The following ADAM23 variants were observed in gnomAD, a reference collection of about 807,000 sequenced individuals.
The protein encoded by ADAM23 is ADAM metallopeptidase domain 23.
Under a neutral mutation model 120.1 loss-of-function variants are expected in ADAM23, and 33 were observed. That is an observed-to-expected ratio of 0.27 (90% confidence interval 0.21 to 0.37). The LOEUF (loss-of-function observed/expected upper bound fraction) is 0.37. ADAM23 is among the 10% of genes least tolerant of loss of function. The pLI is 1.00. For synonymous variants in ADAM23, 367 were observed against 375.2 expected (o/e 0.98, Z 0.25); for missense variants, 862 against 1,058.2 (o/e 0.81, Z 2.57).
chr2:206,453,029 A>G (rs1389481973), intron 2 of ADAM23, among the ~76,000 whole-genome samples: 1 of 152,226 alleles, frequency 6.6e-6, no homozygotes, highest in African/African-American at 2.4e-5. Context: ...TTCAGCAAGC[A>G]TAATTTCAGC....
At chr2:206,537,836 A>T (rs1158437865) in intron 4 of ADAM23, among the ~76,000 whole-genome samples, 1 of 152,206 alleles carries the variant, frequency 6.6e-6, no homozygotes, top group Non-Finnish European at 1.5e-5. Context: ...ACCACTGCAT[A>T]AATAATAATT....
At chr2:206,452,358 T>C (rs368016706) in intron 2 of ADAM23, among the ~76,000 whole-genome samples, 1 of 152,220 alleles carries the variant, frequency 6.6e-6, no homozygotes, top group African/African-American at 2.4e-5. Flanking sequence ...CTGTTGAAAG[T>C]CTTGCTTCAG....
chr2:206,593,254 T>C (rs1046631137), intron 22 of ADAM23, among the ~76,000 whole-genome samples: 1 of 152,212 alleles, frequency 6.6e-6, no homozygotes, highest in African/African-American at 2.4e-5. Context: ...CATGTAGATA[T>C]GAGGCTTATT....
chr2:206,455,865 C>T (rs573786322), intron 2 of ADAM23, among the ~76,000 whole-genome samples: 1 of 152,300 alleles, frequency 6.6e-6, no homozygotes, highest in Non-Finnish European at 1.5e-5. Context: ...ACTTTGCTGT[C>T]CATATCACTA....
At chr2:206,525,120 G>T (rs1696917133) in intron 3 of ADAM23, among the ~76,000 whole-genome samples, 1 of 152,062 alleles carries the variant, frequency 6.6e-6, no homozygotes, top group Non-Finnish European at 1.5e-5. Flanking sequence ...TTCCACAAAT[G>T]CCCTAGTTTG....
In ADAM23 at chr2:206,462,203, C is replaced by G. The variant is rs373019044; in HGVS notation, c.432+16679C>G. Among the ~76,000 whole-genome samples the G allele has an allele frequency of 2.0e-5, 3 of 152,146 alleles. No homozygotes were observed. The East Asian group carries it at 5.8e-4, about 29-fold the overall frequency. The stretch of plus-strand genomic sequence containing the variant: ...CAATTTGCATACACATGCACACTTA[C>G]ACCTGTAAAGTTAGTATAAATATGT... On this transcript the variant is annotated intron_variant, in intron 2 of 25. Coordinates refer to ENST00000264377, the MANE Select transcript of ADAM23 (RefSeq NM_003812.4).
At chr2:206,451,676 A>G (rs1358897219) in intron 2 of ADAM23, among the ~76,000 whole-genome samples, 1 of 152,236 alleles carries the variant, frequency 6.6e-6, no homozygotes, top group Non-Finnish European at 1.5e-5. Flanking sequence ...AGTAAATGGC[A>G]GAGAGAGCCA....
At position 206,620,933 on chromosome 2, in the gene ADAM23, A is replaced by G. The variant is rs778413537; in HGVS notation, c.*3306A>G. On this transcript the variant is annotated 3_prime_UTR_variant, in exon 26 of 26. Transcript: ENST00000264377. ...ACCCTTTCTTTAAAGTTATCCCATC[A>G]TGTTTTATAGTCATTGTTGCTTCCA... 1.3e-5 allele frequency: 2 copies of G among 152,196 alleles called. No individual in the cohort carries two copies. The highest frequency in any genetic ancestry group is 4.8e-5 in the African/African-American group (2 of 41,436). 9.4% of individuals were successfully genotyped at this position (152,196 alleles called of 1,614,324 possible).
chr2:206,589,372 T>A, intron 20 of ADAM23, 37 bp from the exon 21 acceptor site: 1 of 1,572,928 alleles, frequency 6.4e-7, no homozygotes, highest in Non-Finnish European at 8.7e-7. Flanking sequence ...ACAAAGAAAA[T>A]GAAAATTAAT....
chr2:206,519,203 G>T (rs200675896), intron 3 of ADAM23, among the ~76,000 whole-genome samples: 1 of 152,078 alleles, frequency 6.6e-6, no homozygotes, highest in Non-Finnish European at 1.5e-5. Flanking sequence ...AAAAAGGGCC[G>T]GTTAGCACGC....
chr2:206,520,097 C>T (rs533240441), intron 3 of ADAM23, among the ~76,000 whole-genome samples: 1 of 152,276 alleles, frequency 6.6e-6, no homozygotes, highest in African/African-American at 2.4e-5. Flanking sequence ...CATGATTGCA[C>T]AGAATATTGT....
intron 3 of ADAM23, among the ~76,000 whole-genome samples, chr2:206,512,444 C>T (rs1371231743): frequency 6.6e-6 from 1 of 152,200 alleles, no homozygotes; most frequent in Non-Finnish European, 1.5e-5. Flanking sequence ...ATACTATAAT[C>T]AGCTGAAAAG....
In ADAM23 at chr2:206,508,220, G is replaced by A. The variant is rs932414363; in HGVS notation, c.510-22665G>A. ...AATTTTTTGTATTTTTAGTAGAGAC[G>A]GGGTTTCACCGTGTTAGCCAGGATG... On this transcript the variant is annotated intron_variant, in intron 3 of 25. Coordinates refer to ENST00000264377, the MANE Select transcript of ADAM23 (RefSeq NM_003812.4). Among the ~76,000 whole-genome samples, 31 of 151,984 alleles carry A rather than the reference G, an allele frequency of 2.0e-4. 1 individual carries two copies. Among genetic ancestry groups the A allele is most frequent in the Non-Finnish European group, 7.4e-5 (5 of 67,984 alleles).
chr2:206,477,885 A>ATATAT (rs1312452102), intron 2 of ADAM23, among the ~76,000 whole-genome samples: 2 of 90,376 alleles, frequency 2.2e-5, no homozygotes, highest in South Asian at 3.2e-4. Flanking sequence ...TCTGTTAAAA[A>ATATAT]AAAAAAAAAA....
chr2:206,477,901 T>TGTATATACAC (rs1553548688), intron 2 of ADAM23, among the ~76,000 whole-genome samples: 2 of 122,264 alleles, frequency 1.6e-5, no homozygotes, highest in Non-Finnish European at 1.6e-5. Flanking sequence ...AAAAAAAATA[T>TGTATATACAC]ATATATATAT....
At chr2:206,563,430 G>A (rs1037689177) in intron 13 of ADAM23, among the ~76,000 whole-genome samples, 5 of 152,062 alleles carry the variant, frequency 3.3e-5, no homozygotes, top group Admixed American at 2.0e-4. Context: ...ACAAGTGTCT[G>A]GTGGCATTTC....
rs949215182 is a variant in ADAM23, at chr2:206,505,359, G to A, written c.509+24051G>A. 1.1e-4 allele frequency among the ~76,000 whole-genome samples: 16 copies of A among 152,140 alleles called. No homozygotes were observed. In the East Asian group the frequency reaches 1.9e-3, roughly 18 times the overall value. On this transcript the variant is annotated intron_variant, in intron 3 of 25. Coordinates refer to ENST00000264377, the MANE Select transcript of ADAM23 (RefSeq NM_003812.4). The stretch of plus-strand genomic sequence containing the variant: ...AACTCATTTTGTTCTCACAGCAACC[G>A]GGGAGATAGTTACTATTTGTATTAG...
At chr2:206,457,965 C>T (rs1695333179) in intron 2 of ADAM23, among the ~76,000 whole-genome samples, 1 of 152,246 alleles carries the variant, frequency 6.6e-6, no homozygotes, top group East Asian at 1.9e-4. Flanking sequence ...GCAGTATAGC[C>T]AGTGTTTCTA....
rs112462131 is a variant in ADAM23 at position 206,557,736 on chromosome 2, A to G, written c.1005+238A>G. On this transcript the variant is annotated intron_variant, in intron 10 of 25. Transcript: ENST00000264377. The stretch of plus-strand genomic sequence containing the variant: ...TGTTGCTTCTAAGTTGCGTCTATAC[A>G]TTATTGCCCCCAGTCTGTGGAGGAC... Among the ~76,000 whole-genome samples the G allele has an allele frequency of 3.3e-3, 504 of 152,292 alleles. 7 individuals are homozygous for G. Among genetic ancestry groups the G allele is most frequent in the African/African-American group, 0.011 (474 of 41,558 alleles).
Sources: allele counts gnomAD v4.1 joint callset (sites outside exome capture counted in the v4.1 genomes callset), GRCh38; gene constraint gnomAD v4.1.1; transcripts MANE v1.5; gene names NCBI Gene and HGNC (gene_info 2026-07-23, HGNC 2026-07-21).